The following ADAMTSL1 variants were observed in gnomAD, a reference collection of about 807,000 sequenced individuals.
ADAMTSL1 encodes the protein ADAMTS like 1, also known as ADAMTS-like protein 1.
A neutral mutation model predicts 201.8 loss-of-function variants in ADAMTSL1; 126 were observed. The ratio of observed to expected loss-of-function variants is 0.62; its 90% CI spans 0.54 to 0.72. The LOEUF (loss-of-function observed/expected upper bound fraction) is 0.72. Ranked by LOEUF, ADAMTSL1 falls within the 30% of genes least tolerant of loss-of-function variation. The pLI is 0.00. For synonymous variants in ADAMTSL1, 1,121 were observed against 903.4 expected (o/e 1.24, Z -4.32); for missense variants, 2,679 against 2,277.8 (o/e 1.18, Z -3.59).
At chr9:17,931,233 C>T (rs1826770995) in intron 1 of ADAMTSL1, among the ~76,000 whole-genome samples, 1 of 152,172 alleles carries the variant, frequency 6.6e-6, no homozygotes, top group African/African-American at 2.4e-5. Flanking sequence ...TTCCCGACTC[C>T]ACAGGATAGG....
At chr9:18,085,129 G>A (rs1823685056) in intron 1 of ADAMTSL1, among the ~76,000 whole-genome samples, 1 of 152,062 alleles carries the variant, frequency 6.6e-6, no homozygotes, top group African/African-American at 2.4e-5. Context: ...GACTGAACAT[G>A]GAAATTAATA....
intron 2 of ADAMTSL1, among the ~76,000 whole-genome samples, chr9:18,506,587 C>T (rs547898700): frequency 1.2e-3 from 111 of 96,278 alleles, no homozygotes; most frequent in African/African-American, 3.6e-3. Context: ...TGATGCCATG[C>T]GAAATTCAAA....
rs546804829 is a variant in ADAMTSL1, at chr9:18,779,161, A to G, written c.3677+1255A>G. On this transcript the variant is annotated intron_variant, in intron 19 of 28. Coordinates refer to ENST00000380548, the MANE Select transcript of ADAMTSL1 (RefSeq NM_001040272.6). ...AAAACCAAGGTTCAGCAGCTCACCC[A>G]AGATCACATTTTAGTAAGAGCTGAA... is the stretch of plus-strand genomic sequence containing the variant. Among the ~76,000 whole-genome samples the G allele has an allele frequency of 2.0e-5, 3 of 152,320 alleles. No homozygotes were observed. The East Asian group carries it at 5.8e-4, about 29-fold the overall frequency.
intron 2 of ADAMTSL1, among the ~76,000 whole-genome samples, chr9:18,368,491 A>AT (rs1381359218): frequency 2.0e-5 from 3 of 152,092 alleles, no homozygotes; most frequent in Non-Finnish European, 4.4e-5. Flanking sequence ...ATTTAGACAG[A>AT]TTTTTTTGTC....
At position 18,099,347 on chromosome 9, in the gene ADAMTSL1, ATATATATATT is replaced by A. The variant is rs1218144471; in HGVS notation, c.88-64513_88-64504del. Among the ~76,000 whole-genome samples, 25 of 47,332 alleles carry A rather than the reference ATATATATATT, an allele frequency of 5.3e-4. 1 individual carries two copies. Among genetic ancestry groups the A allele is most frequent in the African/African-American group, 1.4e-3 (19 of 13,132 alleles). The allele number at this position is 47,332 out of a possible 152,430, so 31.1% of individuals were successfully genotyped here. Reference sequence around the variant, plus strand: ...GGAAAATATATATATATATATATATATATATATATTTTTTTTTTTTTTTTTAACATCCATT... The same window carrying A: ...GGAAAATATATATATATATATATATATTTTTTTTTTTTTTTAACATCCATT... On this transcript the variant is annotated intron_variant, in intron 1 of 29. Transcript: ENST00000680146.
intron 1 of ADAMTSL1, among the ~76,000 whole-genome samples, chr9:17,944,624 T>C (rs370997956): frequency 4.9e-5 from 7 of 142,600 alleles, no homozygotes; most frequent in African/African-American, 1.8e-4. Flanking sequence ...GAGATATAGA[T>C]CAATGGAACA....
chr9:18,864,486 A>G (rs1389349896), intron 23 of ADAMTSL1, among the ~76,000 whole-genome samples: 1 of 152,222 alleles, frequency 6.6e-6, no homozygotes, highest in Non-Finnish European at 1.5e-5. Context: ...AGACCTTTGA[A>G]TCAACAAAAA....
chr9:18,391,083 A>G (rs1389379306), intron 2 of ADAMTSL1, among the ~76,000 whole-genome samples: 2 of 152,102 alleles, frequency 1.3e-5, no homozygotes, highest in African/African-American at 4.8e-5. Context: ...TCTCTTGTCG[A>G]TTCACTCCAT....
chr9:17,982,723 G>T (rs902841904), intron 1 of ADAMTSL1, among the ~76,000 whole-genome samples: 11 of 152,136 alleles, frequency 7.2e-5, no homozygotes, highest in African/African-American at 2.7e-4. Context: ...CAGTTAATGT[G>T]TAACACTGGG....
chr9:18,085,316 C>T (rs1244634759), intron 1 of ADAMTSL1, among the ~76,000 whole-genome samples: 2 of 152,070 alleles, frequency 1.3e-5, no homozygotes, highest in Non-Finnish European at 2.9e-5. Context: ...CTTAACCTTA[C>T]TGGGCCTCTG....
chr9:18,727,307 A>T (rs1406555377), intron 15 of ADAMTSL1, among the ~76,000 whole-genome samples: 1 of 152,198 alleles, frequency 6.6e-6, no homozygotes, highest in Non-Finnish European at 1.5e-5. Context: ...CTAAATTTCC[A>T]TACGCTGCCT....
At chr9:18,405,742 G>A (rs1322181339) in intron 2 of ADAMTSL1, among the ~76,000 whole-genome samples, 1 of 151,782 alleles carries the variant, frequency 6.6e-6, no homozygotes, top group African/African-American at 2.4e-5. Context: ...ACAATAATAT[G>A]TTATGTTTAG....
chr9:18,411,147 C>A lies in ADAMTSL1; in HGVS notation c.208-93682C>A, dbSNP rs111998549. On this transcript the variant is annotated intron_variant, in intron 2 of 29. Transcript: ENST00000680146. Reference sequence around the variant, plus strand: ...AAAGTGCTGGGATTTCAGGCGTGAGCCACTGCACCCAGCCCTTTATTTATT... The same window carrying A: ...AAAGTGCTGGGATTTCAGGCGTGAGACACTGCACCCAGCCCTTTATTTATT... Among the ~76,000 whole-genome samples, 18 of 150,144 alleles carry A rather than the reference C, an allele frequency of 1.2e-4. 1 individual carries two copies. Among genetic ancestry groups the A allele is most frequent in the African/African-American group, 4.2e-4 (17 of 40,716 alleles).
chr9:18,669,367 G>T (rs1020829159), intron 9 of ADAMTSL1, among the ~76,000 whole-genome samples: 8 of 152,186 alleles, frequency 5.3e-5, no homozygotes, highest in Non-Finnish European at 1.0e-4. Flanking sequence ...CACAAATGTA[G>T]ATGTGAGGAA....
intron 26 of ADAMTSL1, among the ~76,000 whole-genome samples, chr9:18,895,398 T>A (rs1259450250): frequency 2.0e-5 from 3 of 151,414 alleles, no homozygotes; most frequent in African/African-American, 7.3e-5. Flanking sequence ...GATAGGAAAT[T>A]TCCTGGTATT....
chr9:18,209,889 A>G (rs1285699575), intron 2 of ADAMTSL1, among the ~76,000 whole-genome samples: 1 of 152,080 alleles, frequency 6.6e-6, no homozygotes, highest in African/African-American at 2.4e-5. Context: ...CTCTGGATCT[A>G]CCTGTGTCAG....
intron 2 of ADAMTSL1, among the ~76,000 whole-genome samples, chr9:18,308,718 G>A (rs572541182): frequency 5.3e-5 from 8 of 152,106 alleles, no homozygotes; most frequent in South Asian, 2.1e-4. Flanking sequence ...AAAAAAAGTC[G>A]AGGGCCAGAT....
intron 2 of ADAMTSL1, among the ~76,000 whole-genome samples, chr9:18,358,700 C>T (rs1836366554): frequency 1.3e-5 from 2 of 152,140 alleles, no homozygotes; most frequent in Non-Finnish European, 2.9e-5. Flanking sequence ...TTGCATGTAT[C>T]CATACTGCAT....
At chr9:17,946,839 T>C (rs2131363315) in intron 1 of ADAMTSL1, among the ~76,000 whole-genome samples, 1 of 152,292 alleles carries the variant, frequency 6.6e-6, no homozygotes, top group South Asian at 2.1e-4. Flanking sequence ...CTTTGAAAAC[T>C]TAAGTGTTTT....
Sources: allele counts gnomAD v4.1 joint callset (sites outside exome capture counted in the v4.1 genomes callset), GRCh38; gene constraint gnomAD v4.1.1; transcripts MANE v1.5; gene names NCBI Gene and HGNC (gene_info 2026-07-23, HGNC 2026-07-21).